Variants in SNTB2 observed in about 807,000 individuals in gnomAD.
SNTB2 encodes syntrophin beta 2.
SNTB2 carries 34 observed loss-of-function variants against 46.2 expected under a neutral mutation model. The ratio of observed to expected loss-of-function variants is 0.74; its 90% confidence interval spans 0.56 to 0.98. The LOEUF (loss-of-function observed/expected upper bound fraction) is 0.98. Among genes scored for constraint, SNTB2 ranks in the 50% least tolerant of loss-of-function variants. The pLI is 0.00. For missense variants in SNTB2, 603 were observed against 731.4 expected, an observed-to-expected ratio of 0.82 and a Z score of 2.02; for synonymous variants, 290 against 312.6, an observed-to-expected ratio of 0.93 and a Z score of 0.76.
At chr16:69,212,611 A>G (rs1964300008) in intron 1 of SNTB2, among the ~76,000 whole-genome samples, 1 of 152,076 alleles carries the variant, frequency 6.6e-6, no homozygotes. Context: ...TGCTGGGATT[A>G]CAGGCGTGAG....
At chr16:69,193,175 G>A (rs1163447268) in intron 1 of SNTB2, among the ~76,000 whole-genome samples, 1 of 151,358 alleles carries the variant, frequency 6.6e-6, no homozygotes, top group Non-Finnish European at 1.5e-5. Context: ...AGGATCACTT[G>A]AGGCCAGGAG....
intron 1 of SNTB2, among the ~76,000 whole-genome samples, chr16:69,237,059 T>G (rs969011034): frequency 6.6e-6 from 1 of 152,200 alleles, no homozygotes; most frequent in Non-Finnish European, 1.5e-5. Context: ...AGTTCTTGTT[T>G]GGATATGTTG....
At chr16:69,292,749 G>A (rs1330951021) in intron 5 of SNTB2, among the ~76,000 whole-genome samples, 2 of 151,444 alleles carry the variant, frequency 1.3e-5, no homozygotes, top group African/African-American at 2.4e-5. Context: ...CACCACGCCC[G>A]GCCGAGTGTT....
In SNTB2 at chr16:69,198,375, C is replaced by G. The variant is rs573292297; in HGVS notation, c.580+10629C>G. Among the ~76,000 whole-genome samples the G allele has an allele frequency of 2.0e-5, 3 of 152,258 alleles. No homozygotes were observed. In the South Asian group the frequency reaches 6.2e-4, roughly 32 times the overall value. ...CCACCAGCCTCGGCCTCCCAAAGTG[C>G]TGGGATTACAGATGTGAGTCCTCAT... On this transcript the variant is annotated intron_variant, in intron 1 of 6. Coordinates refer to ENST00000336278, the MANE Select transcript of SNTB2 (RefSeq NM_006750.4).
intron 2 of SNTB2, among the ~76,000 whole-genome samples, chr16:69,254,964 C>G (rs1964759402): frequency 6.6e-6 from 1 of 152,164 alleles, no homozygotes; most frequent in East Asian, 1.9e-4. Context: ...GCCCAGTAAT[C>G]TGTGTCCCTA....
intron 1 of SNTB2, among the ~76,000 whole-genome samples, chr16:69,234,620 G>T (rs1964539058): frequency 1.3e-5 from 2 of 152,030 alleles, no homozygotes; most frequent in African/African-American, 4.8e-5. Flanking sequence ...AGCTTTAATG[G>T]CTGTTCTCAA....
Position 69,255,962 on chromosome 16 carries a change from C to T in SNTB2, c.795-4088C>T, listed in dbSNP as rs548563539. The stretch of plus-strand genomic sequence containing the variant: ...CAGCACTTTGGGAAGCTGAGGCGGG[C>T]GGATCATGAGGTCAGGAGTTCGAGA... On this transcript the variant is annotated intron_variant, in intron 2 of 6. Coordinates refer to ENST00000336278, the MANE Select transcript of SNTB2 (RefSeq NM_006750.4). Among the ~76,000 whole-genome samples the T allele has an allele frequency of 4.1e-4, 62 of 151,194 alleles. 2 individuals are homozygous for T. Among genetic ancestry groups the T allele is most frequent in the Non-Finnish European group, 1.8e-4 (12 of 67,722 alleles).
chr16:69,245,697 A>T lies in SNTB2; in HGVS notation c.676A>T (p.Ser226Cys). The T allele has an allele frequency of 6.2e-7, 1 of 1,614,142 alleles. No homozygotes were observed. The highest frequency in any genetic ancestry group is 8.5e-7 in the Non-Finnish European group (1 of 1,180,024). ...EGAAPQSPSFSGSEDSGSPKH... is the reference protein window; with the variant it reads ...EGAAPQSPSFCGSEDSGSPKH... The stretch of plus-strand genomic sequence containing the variant: ...TGCAGCCCCCCAGTCACCAAGCTTT[A>T]GTGGCAGTGAGGACTCTGGTTCGCC... Residue 226 changes from serine (S) to cysteine (C), a missense_variant, in exon 2 of 7, where the codon AGT becomes TGT. Coordinates refer to ENST00000336278, the MANE Select transcript of SNTB2 (RefSeq NM_006750.4).
chr16:69,264,785 A>G (rs541199990), intron 3 of SNTB2, among the ~76,000 whole-genome samples: 131 of 152,306 alleles, frequency 8.6e-4, no homozygotes, highest in African/African-American at 3.1e-3. Flanking sequence ...CTACTCTTTG[A>G]CAGCCTTATG....
In SNTB2 at chr16:69,198,119, G is replaced by GA. The variant is rs1964122610; in HGVS notation, c.580+10373_580+10374insA. 3.0e-4 allele frequency among the ~76,000 whole-genome samples: 27 copies of GA among 89,824 alleles called. 1 individual carries two copies. The highest frequency in any genetic ancestry group is 1.1e-3 in the African/African-American group (27 of 23,784). The allele number at this position is 89,824 out of a possible 152,430, so 58.9% of individuals were successfully genotyped here. On this transcript the variant is annotated intron_variant, in intron 1 of 6. Coordinates refer to ENST00000336278, the MANE Select transcript of SNTB2 (RefSeq NM_006750.4). The stretch of plus-strand genomic sequence containing the variant: ...GTTGATTTTTTTTTTTTTTTTTTTT[G>GA]GGGGGTAGGGGAACAGAGCCTCGCT...
chr16:69,197,877 A>T (rs1024225445), intron 1 of SNTB2, among the ~76,000 whole-genome samples: 4 of 151,974 alleles, frequency 2.6e-5, no homozygotes, highest in Admixed American at 2.6e-4. Context: ...AGTACTATGG[A>T]TTCTGTATTG....
At chr16:69,277,901 G>A (rs1001817516) in intron 4 of SNTB2, among the ~76,000 whole-genome samples, 3 of 152,212 alleles carry the variant, frequency 2.0e-5, no homozygotes, top group Non-Finnish European at 2.9e-5. Context: ...AAAAAGTGAG[G>A]CCAGGAGTGG....
In SNTB2 at chr16:69,307,580, G is replaced by T. The variant is rs1193804913; in HGVS notation, c.*6656G>T. 1 of 152,098 alleles carries T rather than the reference G, an allele frequency of 6.6e-6. No individual in the cohort carries two copies. The highest frequency in any genetic ancestry group is 1.9e-4 in the East Asian group (1 of 5,198). The allele number at this position is 152,098 out of a possible 1,614,324, so 9.4% of individuals were successfully genotyped here. A position where few individuals can be genotyped will look rare whatever the true frequency, so the allele number is the denominator to read the frequency against. ...TATCAACCCCTTATTTCTAATTGCT[G>T]TATTCATTTCCACCCTTAAACTATT... On this transcript the variant is annotated 3_prime_UTR_variant, in exon 7 of 7. Transcript: ENST00000336278.
At chr16:69,250,837 C>G (rs1964718137) in intron 2 of SNTB2, among the ~76,000 whole-genome samples, 1 of 152,014 alleles carries the variant, frequency 6.6e-6, no homozygotes, top group Non-Finnish European at 1.5e-5. Flanking sequence ...GATTGTGCCA[C>G]TGCACTCCAG....
intron 1 of SNTB2, among the ~76,000 whole-genome samples, chr16:69,200,784 G>A (rs896300168): frequency 6.6e-6 from 1 of 151,892 alleles, no homozygotes; most frequent in African/African-American, 2.4e-5. Flanking sequence ...CAAATTTCTG[G>A]GATTACAGGT....
At chr16:69,220,934 G>C (rs1964397612) in intron 1 of SNTB2, among the ~76,000 whole-genome samples, 1 of 152,136 alleles carries the variant, frequency 6.6e-6, no homozygotes, top group African/African-American at 2.4e-5. Context: ...TTCCTCACTT[G>C]TAGTTAGTCC....
chr16:69,225,559 T>C (rs1964450532), intron 1 of SNTB2, among the ~76,000 whole-genome samples: 1 of 152,254 alleles, frequency 6.6e-6, no homozygotes, highest in South Asian at 2.1e-4. Flanking sequence ...CATCCAATTA[T>C]GTGTAACATT....
intron 4 of SNTB2, among the ~76,000 whole-genome samples, chr16:69,282,072 AT>A (rs1182284110): frequency 6.7e-6 from 1 of 149,912 alleles, no homozygotes; most frequent in Non-Finnish European, 1.5e-5. Flanking sequence ...TGCCTGGCTG[AT>A]TTTTGTATTT....
chr16:69,207,982 G>A (rs531879943), intron 1 of SNTB2, among the ~76,000 whole-genome samples: 3 of 139,858 alleles, frequency 2.1e-5, no homozygotes, highest in East Asian at 2.0e-4. Context: ...GGTGGTGCTC[G>A]CTGGTAATCC....
Sources: allele counts gnomAD v4.1 joint callset (sites outside exome capture counted in the v4.1 genomes callset), GRCh38; gene constraint gnomAD v4.1.1; transcripts MANE v1.5; gene names NCBI Gene and HGNC (gene_info 2026-07-23, HGNC 2026-07-21).